The following HECTD2 variants were observed in gnomAD, a reference collection of about 807,000 sequenced individuals.
HECTD2 encodes the protein probable E3 ubiquitin-protein ligase HECTD2.
In HECTD2, 35 loss-of-function variants were observed where a neutral mutation model predicts 103.2. That is an observed-to-expected ratio of 0.34 (90% confidence interval 0.26 to 0.45). HECTD2 has a LOEUF of 0.45. HECTD2 is among the 20% of genes least tolerant of loss of function. The probability of loss-of-function intolerance (pLI) is 1.00; values close to 1 mark genes in which losing one functional copy is unlikely to be tolerated. For synonymous variants in HECTD2, 281 were observed against 329.9 expected, an observed-to-expected ratio of 0.85 and a Z score of 1.61; for missense variants, 596 against 937.4, an observed-to-expected ratio of 0.64 and a Z score of 4.76.
rs138316283 is a variant in HECTD2, at chr10:91,456,752, AAG to A, written c.269-3674_269-3673del. ...TCTTATTATTTTGAGATACGTCAAA[AAG>A]GGGGAAAGTTTCAAAACAAATATCT... On this transcript the variant is annotated intron_variant, in intron 2 of 20. Transcript: ENST00000298068. 2.1e-3 allele frequency among the ~76,000 whole-genome samples: 326 copies of A among 151,814 alleles called. 1 individual carries two copies. In the East Asian group the frequency reaches 0.047, roughly 22 times the overall value.
chr10:91,458,921 T>C (rs187000512), intron 2 of HECTD2, among the ~76,000 whole-genome samples: 1 of 152,142 alleles, frequency 6.6e-6, no homozygotes, highest in Non-Finnish European at 1.5e-5. Flanking sequence ...AGAAAGACCC[T>C]GTGCAGAGGA....
Position 91,485,304 on chromosome 10 carries a change from G to A in HECTD2, c.1094+1G>A. ...GGCAAAACTTTGGAAACTCTCACAG[G>A]TATGAACAAAAGTTCCTTTGATTAT... is the stretch of plus-strand genomic sequence containing the variant. On this transcript the variant is annotated splice_donor_variant, in intron 10 of 20. Transcript: ENST00000298068. LOFTEE classifies it high-confidence loss of function. 1 of 1,583,556 alleles carries A rather than the reference G, an allele frequency of 6.3e-7. No individual in the cohort carries two copies. Among genetic ancestry groups the A allele is most frequent in the Non-Finnish European group, 8.6e-7 (1 of 1,168,842 alleles).
intron 20 of HECTD2, among the ~76,000 whole-genome samples, chr10:91,502,757 T>A (rs1318787270): frequency 6.6e-6 from 1 of 152,154 alleles, no homozygotes; most frequent in African/African-American, 2.4e-5. Flanking sequence ...CATTTCCAAT[T>A]TTAAAAGAGT....
Position 91,449,304 on chromosome 10 carries a change from A to G in HECTD2, c.269-11123A>G, listed in dbSNP as rs372599601. ...AACCAATGACAAAAAACACTTAATT[A>G]CCTCAATAGATGTATAAAAGGCCTC... On this transcript the variant is annotated intron_variant, in intron 2 of 20. Coordinates refer to ENST00000298068, the MANE Select transcript of HECTD2 (RefSeq NM_182765.6). Among the ~76,000 whole-genome samples, 5 of 152,290 alleles carry G rather than the reference A, an allele frequency of 3.3e-5. No individual in the cohort carries two copies. In the East Asian group the frequency reaches 9.6e-4, roughly 29 times the overall value.
chr10:91,420,281 A>C lies in HECTD2; in HGVS notation c.139-5000A>C, dbSNP rs1057001000. ...ATGTTGTTTAAGCTTTTATGATTACAAAAAAAAAAAAAAAGAAAATCAGGC... is the reference window on the plus strand; with the variant it reads ...ATGTTGTTTAAGCTTTTATGATTACCAAAAAAAAAAAAAAGAAAATCAGGC... On this transcript the variant is annotated intron_variant, in intron 1 of 20. Coordinates refer to ENST00000298068, the MANE Select transcript of HECTD2 (RefSeq NM_182765.6). 2.6e-4 allele frequency among the ~76,000 whole-genome samples: 27 copies of C among 103,616 alleles called. No individual in the cohort carries two copies. The East Asian group carries it at 6.0e-3, about 23-fold the overall frequency. The allele number at this position is 103,616 out of a possible 152,430, so 68.0% of individuals were successfully genotyped here.
intron 2 of HECTD2, among the ~76,000 whole-genome samples, chr10:91,453,763 G>T (rs1323568193): frequency 6.6e-6 from 1 of 152,046 alleles, no homozygotes; most frequent in Non-Finnish European, 1.5e-5. Flanking sequence ...CCAAAAACAT[G>T]ACCCAACTGT....
At chr10:91,476,147 G>A (rs902917010) in intron 5 of HECTD2, among the ~76,000 whole-genome samples, 1 of 152,186 alleles carries the variant, frequency 6.6e-6, no homozygotes, top group Non-Finnish European at 1.5e-5. Flanking sequence ...AGGGAGAAAC[G>A]GATGATACAG....
chr10:91,498,813 T>TC, intron 16 of HECTD2, 59 bp from the exon 17 acceptor site: 1 of 1,029,126 alleles, frequency 9.7e-7, no homozygotes, highest in Admixed American at 2.3e-5. Flanking sequence ...ACAAACCTGT[T>TC]CACCAAAGTA....
intron 1 of HECTD2, among the ~76,000 whole-genome samples, chr10:91,415,961 C>CG (rs1432247905): frequency 6.6e-6 from 1 of 151,470 alleles, no homozygotes; most frequent in Non-Finnish European, 1.5e-5. Context: ...CAGCATGTCT[C>CG]TAAGTTTGAG....
chr10:91,481,283 A>AT (rs974440341), intron 7 of HECTD2, 144 bp downstream of exon 7: 14 of 407,796 alleles, frequency 3.4e-5, no homozygotes, highest in Admixed American at 4.4e-5. Context: ...TAACCAGAAG[A>AT]TTTTTTTTAA....
At chr10:91,439,694 T>C (rs1844310149) in intron 2 of HECTD2, among the ~76,000 whole-genome samples, 2 of 152,210 alleles carry the variant, frequency 1.3e-5, no homozygotes, top group Non-Finnish European at 1.5e-5. Context: ...TTTCACAATA[T>C]TGATTCTTCC....
intron 2 of HECTD2, among the ~76,000 whole-genome samples, chr10:91,443,555 G>A (rs1196807712): frequency 1.3e-5 from 2 of 152,170 alleles, no homozygotes; most frequent in African/African-American, 2.4e-5. Flanking sequence ...GGACACATGG[G>A]TGTCAGGGAC....
Position 91,514,350 on chromosome 10 carries a change from T to C in HECTD2, c.*1966T>C, listed in dbSNP as rs1053047221. 6.6e-6 allele frequency: 1 copy of C among 152,646 alleles called. No individual in the cohort carries two copies. The highest frequency in any genetic ancestry group is 1.5e-5 in the Non-Finnish European group (1 of 68,030). The allele number at this position is 152,646 out of a possible 1,614,324, so 9.5% of individuals were successfully genotyped here. A position where few individuals can be genotyped will look rare whatever the true frequency, so the allele number is the denominator to read the frequency against. On this transcript the variant is annotated 3_prime_UTR_variant, in exon 21 of 21. Transcript: ENST00000298068. ...ATAAATAACTAGAGAATTTTTGTTA[T>C]CTGTTGTTAAGTTGAAATGTATAAT...
chr10:91,482,665 C>T (rs1188267813), intron 7 of HECTD2, among the ~76,000 whole-genome samples: 1 of 151,876 alleles, frequency 6.6e-6, no homozygotes, highest in Non-Finnish European at 1.5e-5. Context: ...ATATCATTCC[C>T]ATTTTACAGA....
intron 20 of HECTD2, among the ~76,000 whole-genome samples, chr10:91,502,405 G>A (rs1196436168): frequency 3.3e-5 from 5 of 152,094 alleles, no homozygotes; most frequent in Non-Finnish European, 7.4e-5. Context: ...TATGTATTGA[G>A]TTTCTCAAAT....
At chr10:91,505,291 A>G (rs1414253768) in intron 20 of HECTD2, among the ~76,000 whole-genome samples, 3 of 151,864 alleles carry the variant, frequency 2.0e-5, no homozygotes, top group Admixed American at 2.0e-4. Context: ...TTAAATGTAA[A>G]TGGACTAAAT....
At chr10:91,443,656 C>G (rs552500118) in intron 2 of HECTD2, among the ~76,000 whole-genome samples, 4 of 152,286 alleles carry the variant, frequency 2.6e-5, no homozygotes, top group African/African-American at 9.6e-5. Flanking sequence ...GGCAGGAATG[C>G]TTAAGTCTGC....
intron 2 of HECTD2, among the ~76,000 whole-genome samples, chr10:91,451,098 A>G (rs565607245): frequency 1.3e-5 from 2 of 152,318 alleles, no homozygotes; most frequent in South Asian, 2.1e-4. Context: ...ACTGTTCACA[A>G]CAGCAAAGAC....
At chr10:91,444,894 CTG>C (rs1244798572) in intron 2 of HECTD2, among the ~76,000 whole-genome samples, 1 of 152,160 alleles carries the variant, frequency 6.6e-6, no homozygotes, top group Non-Finnish European at 1.5e-5. Flanking sequence ...CTTATGAACA[CTG>C]TGCTGAACTG....
Sources: gnomAD v4.1 joint callset for allele counts (sites outside exome capture counted in the v4.1 genomes callset) on GRCh38, gnomAD v4.1.1 for gene constraint, MANE v1.5 for transcripts, NCBI Gene and HGNC (gene_info 2026-07-23, HGNC 2026-07-21) for gene names.